Variants in ARMH4 observed in about 807,000 individuals in gnomAD.
The protein encoded by ARMH4 is armadillo-like helical domain-containing protein 4.
In ARMH4, 49 loss-of-function variants were observed where a neutral mutation model predicts 61.9. The observed-to-expected ratio is 0.79, with a 90% CI of 0.63 to 1.00. The LOEUF is 1.00. Ranked by LOEUF, ARMH4 falls within the 50% of genes least tolerant of loss-of-function variation. ARMH4 has a pLI of 0.00. For synonymous variants in ARMH4, 368 were observed against 341.5 expected, an observed-to-expected ratio of 1.08 and a Z score of -0.85; for missense variants, 934 against 930.0, an observed-to-expected ratio of 1.00 and a Z score of -0.06.
chr14:58,121,505 T>C (rs1886723051), intron 4 of ARMH4, among the ~76,000 whole-genome samples: 1 of 152,220 alleles, frequency 6.6e-6, no homozygotes, highest in South Asian at 2.1e-4. Context: ...AACAGCAGAA[T>C]TTGTGAACAC....
chr14:58,140,638 C>T (rs1362876710), intron 1 of ARMH4, among the ~76,000 whole-genome samples: 1 of 151,736 alleles, frequency 6.6e-6, no homozygotes, highest in Non-Finnish European at 1.5e-5. Flanking sequence ...CAGTGGCTCA[C>T]ACCTGAAATC....
At chr14:58,042,263 T>G (rs1437758309) in intron 5 of ARMH4, among the ~76,000 whole-genome samples, 2 of 152,196 alleles carry the variant, frequency 1.3e-5, no homozygotes, top group Non-Finnish European at 2.9e-5. Context: ...CAGACCACAA[T>G]GCAATCAAAC....
intron 5 of ARMH4, among the ~76,000 whole-genome samples, chr14:58,060,099 C>T (rs573325940): frequency 1.3e-5 from 2 of 152,224 alleles, no homozygotes; most frequent in South Asian, 2.1e-4. Context: ...TATTATAGTC[C>T]GTTTTAATCA....
intron 5 of ARMH4, among the ~76,000 whole-genome samples, chr14:58,089,555 A>G (rs1358284921): frequency 6.6e-6 from 1 of 152,192 alleles, no homozygotes; most frequent in African/African-American, 2.4e-5. Context: ...TCTCCCTTTC[A>G]TCTTGCCAAA....
intron 4 of ARMH4, among the ~76,000 whole-genome samples, chr14:58,098,775 C>CTT (rs5808958): frequency 8.3e-5 from 12 of 143,854 alleles, no homozygotes; most frequent in Non-Finnish European, 1.2e-4. Context: ...CCAGATCTGA[C>CTT]TTTTTTTTTT....
At chr14:58,150,347 A>G (rs1461352803) in intron 1 of ARMH4, among the ~76,000 whole-genome samples, 2 of 152,238 alleles carry the variant, frequency 1.3e-5, no homozygotes, top group Non-Finnish European at 2.9e-5. Context: ...CAGCTTCCCT[A>G]TGTGAGAAGT....
At chr14:58,038,958 G>A (rs370169391) in intron 5 of ARMH4, among the ~76,000 whole-genome samples, 50 of 152,294 alleles carry the variant, frequency 3.3e-4, no homozygotes, top group African/African-American at 1.1e-3. Flanking sequence ...CTCTTCTGTC[G>A]TTGGGGTGCA....
chr14:58,108,768 A>C (rs1886250315), intron 4 of ARMH4, among the ~76,000 whole-genome samples: 1 of 152,208 alleles, frequency 6.6e-6, no homozygotes, highest in Non-Finnish European at 1.5e-5. Flanking sequence ...TAAAAGTGGA[A>C]TTGCTAGGTT....
At chr14:58,067,190 C>T (rs1012229237) in intron 5 of ARMH4, among the ~76,000 whole-genome samples, 2 of 152,204 alleles carry the variant, frequency 1.3e-5, no homozygotes, top group African/African-American at 2.4e-5. Context: ...CAGCATTATA[C>T]TATGAGAGGT....
At chr14:58,127,418 T>G (rs539253710) in intron 4 of ARMH4, among the ~76,000 whole-genome samples, 24 of 152,286 alleles carry the variant, frequency 1.6e-4, no homozygotes, top group African/African-American at 5.5e-4. Flanking sequence ...TCATATAAGA[T>G]GTAACTTTGC....
chr14:58,036,874 C>A lies in ARMH4; in HGVS notation c.2090-24724G>T, dbSNP rs1371848715. ...TGAAGGACCTCTTCAAGGAGAACTA[C>A]AACCCACTGCTCAAGGAAATAAAAG... On this transcript the variant is annotated intron_variant, in intron 5 of 7. Coordinates refer to ENST00000267485, the MANE Select transcript of ARMH4 (RefSeq NM_001001872.4). 2.6e-4 allele frequency among the ~76,000 whole-genome samples: 33 copies of A among 125,554 alleles called. 3 individuals carry two copies. Among genetic ancestry groups the A allele is most frequent in the African/African-American group, 9.4e-4 (33 of 35,046 alleles). 82.4% of individuals were successfully genotyped at this position (125,554 alleles called of 152,430 possible). A position where few individuals can be genotyped will look rare whatever the true frequency, so the allele number is the denominator to read the frequency against.
At chr14:58,042,151 C>T (rs1421729115) in intron 5 of ARMH4, among the ~76,000 whole-genome samples, 2 of 152,168 alleles carry the variant, frequency 1.3e-5, no homozygotes, top group Non-Finnish European at 2.9e-5. Flanking sequence ...ACATTCTTCT[C>T]AGCACCACAT....
chr14:58,077,167 C>A (rs745893333), intron 5 of ARMH4, among the ~76,000 whole-genome samples: 11 of 152,168 alleles, frequency 7.2e-5, no homozygotes, highest in African/African-American at 2.7e-4. Context: ...AGCTAGACAG[C>A]CCTGAGCTAA....
chr14:58,128,282 A>G (rs1007496377), intron 4 of ARMH4, among the ~76,000 whole-genome samples: 4 of 152,230 alleles, frequency 2.6e-5, no homozygotes, highest in Non-Finnish European at 4.4e-5. Flanking sequence ...TTAGAGCAGG[A>G]AAGACATTAA....
chr14:58,058,435 TATG>T (rs1024438020), intron 5 of ARMH4, among the ~76,000 whole-genome samples: 2 of 152,150 alleles, frequency 1.3e-5, no homozygotes, highest in African/African-American at 2.4e-5. Context: ...TGGCTATTTT[TATG>T]TTTATTTCTT....
intron 1 of ARMH4, among the ~76,000 whole-genome samples, chr14:58,151,368 G>A (rs1887912804): frequency 6.6e-6 from 1 of 152,158 alleles, no homozygotes; most frequent in Admixed American, 6.5e-5. Context: ...ACCTCCGGCA[G>A]CACCTCCCAA....
intron 5 of ARMH4, among the ~76,000 whole-genome samples, chr14:58,019,234 A>G (rs1390725038): frequency 6.6e-6 from 1 of 152,194 alleles, no homozygotes; most frequent in Admixed American, 6.5e-5. Context: ...AAAATTGCTA[A>G]AAGAGTAGAT....
At chr14:58,095,465 A>G (rs1178007750) in intron 5 of ARMH4, among the ~76,000 whole-genome samples, 3 of 152,324 alleles carry the variant, frequency 2.0e-5, no homozygotes, top group Non-Finnish European at 2.9e-5. Flanking sequence ...TCACTTGTTC[A>G]CAGACCAGAG....
At chr14:58,132,120 T>C (rs1315739244) in intron 3 of ARMH4, among the ~76,000 whole-genome samples, 2 of 152,192 alleles carry the variant, frequency 1.3e-5, no homozygotes, top group Non-Finnish European at 2.9e-5. Context: ...AATCAAGTCA[T>C]AGAGTAAGAG....
Sources: allele counts gnomAD v4.1 joint callset (sites outside exome capture counted in the v4.1 genomes callset), GRCh38; gene constraint gnomAD v4.1.1; transcripts MANE v1.5; gene names NCBI Gene and HGNC (gene_info 2026-07-23, HGNC 2026-07-21).